The following DNAH11 variants were observed in gnomAD, a reference collection of about 807,000 sequenced individuals.
DNAH11 encodes the protein dynein axonemal heavy chain 11, also known as axonemal beta dynein heavy chain 11.
A neutral mutation model predicts 526.0 loss-of-function variants in DNAH11; 442 were observed. That is an observed-to-expected ratio of 0.84 (90% CI 0.78 to 0.91). The LOEUF (loss-of-function observed/expected upper bound fraction) is 0.91, where lower values mean the gene tolerates loss of function less well. Among genes scored for constraint, DNAH11 ranks in the 40% least tolerant of loss-of-function variants. DNAH11 has a pLI of 0.00. For synonymous variants in DNAH11, 2,461 were observed against 1,935.9 expected, an observed-to-expected ratio of 1.27 and a Z score of -7.12; for missense variants, 6,989 against 5,448.7, an observed-to-expected ratio of 1.28 and a Z score of -8.90.
intron 48 of DNAH11, among the ~76,000 whole-genome samples, chr7:21,741,431 T>A (rs1343862104): frequency 6.6e-6 from 1 of 152,232 alleles, no homozygotes; most frequent in Non-Finnish European, 1.5e-5. Flanking sequence ...GTTTTGTGTT[T>A]GCGTAGAAGC....
At chr7:21,897,776 C>G (rs886332863) in intron 79 of DNAH11, among the ~76,000 whole-genome samples, 1 of 152,092 alleles carries the variant, frequency 6.6e-6, no homozygotes, top group Non-Finnish European at 1.5e-5. Context: ...GCCACCATGC[C>G]CGGCCAACTT....
intron 30 of DNAH11, among the ~76,000 whole-genome samples, chr7:21,662,328 T>C (rs963839067): frequency 2.6e-5 from 4 of 152,124 alleles, no homozygotes; most frequent in African/African-American, 9.7e-5. Flanking sequence ...ACCACTTAGA[T>C]TCTACAATTA....
chr7:21,623,364 G>T (rs935161228), intron 25 of DNAH11, among the ~76,000 whole-genome samples: 2 of 151,848 alleles, frequency 1.3e-5, no homozygotes. Context: ...TACACTGTTG[G>T]TGGGACTGTA....
intron 54 of DNAH11, among the ~76,000 whole-genome samples, chr7:21,761,001 G>T (rs899464782): frequency 6.6e-6 from 1 of 152,110 alleles, no homozygotes; most frequent in Admixed American, 6.5e-5. Context: ...TAAATTATGG[G>T]AAATATAATG....
chr7:21,778,820 A>G, intron 56 of DNAH11, 138 bp from the exon 57 acceptor site: 1 of 997,034 alleles, frequency 1.0e-6, no homozygotes, highest in Non-Finnish European at 1.4e-6. Context: ...GCAAATCAGA[A>G]GACAGTGAAA....
At chr7:21,864,862 T>A (rs935344730) in intron 70 of DNAH11, among the ~76,000 whole-genome samples, 2 of 152,234 alleles carry the variant, frequency 1.3e-5, no homozygotes, top group Non-Finnish European at 2.9e-5. Context: ...AGCTTTTGGC[T>A]TATGTATGCG....
At chr7:21,797,494 G>C (rs1974509) in intron 61 of DNAH11, among the ~76,000 whole-genome samples, 65,626 of 150,028 alleles carry the variant, frequency 0.44, 15,121 homozygotes, top group East Asian at 0.8. Flanking sequence ...GCTGGGATTA[G>C]AGGCTTGAGC....
intron 25 of DNAH11, among the ~76,000 whole-genome samples, chr7:21,622,191 C>T (rs1208642344): frequency 1.3e-5 from 2 of 152,170 alleles, no homozygotes; most frequent in East Asian, 3.9e-4. Flanking sequence ...AAACAGAGAG[C>T]CAAATCCTGA....
intron 61 of DNAH11, among the ~76,000 whole-genome samples, chr7:21,789,840 C>CTTTCTTTCT: frequency 8.3e-6 from 1 of 120,118 alleles, no homozygotes; most frequent in African/African-American, 3.2e-5. Flanking sequence ...TTCTTTCTTT[C>CTTTCTTTCT]TTTCTTTCTT....
chr7:21,799,450 G>A (rs1245002896), intron 61 of DNAH11, among the ~76,000 whole-genome samples: 1 of 151,874 alleles, frequency 6.6e-6, no homozygotes, highest in African/African-American at 2.4e-5. Context: ...CAATTCTCCT[G>A]CCTCAGCCTC....
At chr7:21,622,308 T>A (rs373477364) in intron 25 of DNAH11, among the ~76,000 whole-genome samples, 1 of 151,960 alleles carries the variant, frequency 6.6e-6, no homozygotes, top group East Asian at 1.9e-4. Flanking sequence ...CACTGCTCAA[T>A]GAAATAAAAG....
chr7:21,681,810 T>C lies in DNAH11; in HGVS notation c.5460+133T>C. On this transcript the variant is annotated intron_variant, in intron 31 of 81. Transcript: ENST00000409508. ...TTTAATTAGTCCTGAAAAGTTGTGTTTGTCTTGGGTGCATTTGATTTTGGT... is the reference window on the plus strand; with the variant it reads ...TTTAATTAGTCCTGAAAAGTTGTGTCTGTCTTGGGTGCATTTGATTTTGGT... The C allele has an allele frequency of 3.6e-6, 4 of 1,124,790 alleles. No homozygotes were observed. In the South Asian group the frequency reaches 3.7e-5, roughly 10 times the overall value. The allele number at this position is 1,124,790 out of a possible 1,614,324, so 69.7% of individuals were successfully genotyped here. A position where few individuals can be genotyped will look rare whatever the true frequency, so the allele number is the denominator to read the frequency against.
At chr7:21,631,661 C>G (rs977597553) in intron 25 of DNAH11, among the ~76,000 whole-genome samples, 12 of 152,156 alleles carry the variant, frequency 7.9e-5, no homozygotes, top group African/African-American at 2.9e-4. Flanking sequence ...TGTTTCACAT[C>G]CAGGTCACGC....
chr7:21,571,710 T>G, intron 7 of DNAH11, 96 bp from the exon 8 acceptor site: 1 of 911,284 alleles, frequency 1.1e-6, no homozygotes, highest in Non-Finnish European at 1.5e-6. Flanking sequence ...CATTGACTCA[T>G]TGATTTTGAA....
chr7:21,564,287 G>A lies in DNAH11; in HGVS notation c.1084G>A (p.Ala362Thr), dbSNP rs771256529. ...TEFPQTRILI[A>T]PLFHTICLIW... Reference sequence around the variant, plus strand: ...ATTCCCACAGACACGCATATTAATCGCTCCATTATTTCATACCATCTGTCT... The same window carrying A: ...ATTCCCACAGACACGCATATTAATCACTCCATTATTTCATACCATCTGTCT... Residue 362 changes from alanine (A) to threonine (T), a missense_variant, in exon 6 of 82, where the codon GCT becomes ACT. Coordinates refer to ENST00000409508, the MANE Select transcript of DNAH11 (RefSeq NM_001277115.2). 1.2e-5 allele frequency: 20 copies of A among 1,613,328 alleles called. No individual in the cohort carries two copies. The highest frequency in any genetic ancestry group is 4.5e-5 in the East Asian group (2 of 44,868).
rs186346139 is a variant in DNAH11, at chr7:21,629,579, A to G, written c.4501-6292A>G. 1.2e-3 allele frequency among the ~76,000 whole-genome samples: 177 copies of G among 152,180 alleles called. 2 individuals carry two copies. Among genetic ancestry groups the G allele is most frequent in the Middle Eastern group, 3.4e-3 (1 of 294 alleles). On this transcript the variant is annotated intron_variant, in intron 25 of 81. Coordinates refer to ENST00000409508, the MANE Select transcript of DNAH11 (RefSeq NM_001277115.2). ...CTTTAGGTCTATTAATGTTTGTGTT[A>G]TATACCTGGGAGTTTAGGTGTTGGG...
Position 21,681,244 on chromosome 7 carries a change from T to A in DNAH11, c.5329-302T>A, listed in dbSNP as rs112714083. 0.16 allele frequency among the ~76,000 whole-genome samples: 24,952 copies of A among 151,914 alleles called. 2,561 individuals carry two copies. Among genetic ancestry groups the A allele is most frequent in the Non-Finnish European group, 0.22 (14,747 of 67,950 alleles). ...GAGTTTGAGACCAGCCTGACCAAAA[T>A]GGTGAAATCATGTCCCTACGAAAAA... On this transcript the variant is annotated intron_variant, in intron 30 of 81. Transcript: ENST00000409508.
In DNAH11 at chr7:21,738,384, T is replaced by A. The variant is rs544406549; in HGVS notation, c.7646-317T>A. Among the ~76,000 whole-genome samples the A allele has an allele frequency of 2.6e-5, 4 of 152,166 alleles. No individual in the cohort carries two copies. The South Asian group carries it at 8.3e-4, about 32-fold the overall frequency. On this transcript the variant is annotated intron_variant, in intron 46 of 81. Coordinates refer to ENST00000409508, the MANE Select transcript of DNAH11 (RefSeq NM_001277115.2). ...ACTAGCAGTGGCCACATAGAATGGG[T>A]ACGGGGGAGGAAGTACGCAGATCAG...
chr7:21,825,832 G>A (rs1790267322), intron 65 of DNAH11, among the ~76,000 whole-genome samples: 1 of 152,004 alleles, frequency 6.6e-6, no homozygotes, highest in African/African-American at 2.4e-5. Flanking sequence ...AGTAGCGGGT[G>A]CCTGTAGTCC....
Sources: allele counts gnomAD v4.1 joint callset (sites outside exome capture counted in the v4.1 genomes callset), GRCh38; gene constraint gnomAD v4.1.1; transcripts MANE v1.5; gene names NCBI Gene and HGNC (gene_info 2026-07-23, HGNC 2026-07-21).